Variants in TECRL observed in about 807,000 individuals in gnomAD.
TECRL encodes the protein trans-2,3-enoyl-CoA reductase like.
A neutral mutation model predicts 52.8 loss-of-function variants in TECRL; 63 were observed. That is an observed-to-expected ratio of 1.19 (90% CI 0.97 to 1.47). The LOEUF is 1.47. TECRL is among the 40% of genes most tolerant of loss of function. The pLI is 0.00. For missense variants in TECRL, 482 were observed against 429.6 expected, an observed-to-expected ratio of 1.12 and a Z score of -1.08; for synonymous variants, 164 against 141.9, an observed-to-expected ratio of 1.16 and a Z score of -1.10.
chr4:64,336,174 T>C (rs996700548), intron 2 of TECRL, among the ~76,000 whole-genome samples: 3 of 152,196 alleles, frequency 2.0e-5, no homozygotes, highest in African/African-American at 7.2e-5. Flanking sequence ...CTGTTAATTA[T>C]TGCCTCAATT....
chr4:64,339,098 T>C (rs1051071691), intron 2 of TECRL, among the ~76,000 whole-genome samples: 4 of 152,018 alleles, frequency 2.6e-5, no homozygotes, highest in African/African-American at 7.2e-5. Flanking sequence ...GAATACTATG[T>C]AGCCATAAAA....
In TECRL at chr4:64,382,214, TATATATATATATATATATATAG is replaced by T. The variant is rs1486900735; in HGVS notation, c.235-7013_235-6992del. On this transcript the variant is annotated intron_variant, in intron 1 of 11. Transcript: ENST00000381210. ...CTGTATATATATATATATATATATA[TATATATATATATATATATATAG>T]TATTATGTATATATAATATATATTA... Among the ~76,000 whole-genome samples the T allele has an allele frequency of 2.2e-3, 6 of 2,774 alleles. No homozygotes were observed. The East Asian group carries it at 0.28, about 128-fold the overall frequency. 1.8% of individuals were successfully genotyped at this position (2,774 alleles called of 152,430 possible). A position where few individuals can be genotyped will look rare whatever the true frequency, so the allele number is the denominator to read the frequency against.
intron 3 of TECRL, among the ~76,000 whole-genome samples, chr4:64,326,015 C>T (rs554129143): frequency 6.6e-6 from 1 of 152,162 alleles, no homozygotes; most frequent in African/African-American, 2.4e-5. Context: ...AACTAGATCC[C>T]ATGACATATC....
intron 2 of TECRL, among the ~76,000 whole-genome samples, chr4:64,331,653 G>A (rs1718650128): frequency 6.6e-6 from 1 of 152,026 alleles, no homozygotes; most frequent in African/African-American, 2.4e-5. Flanking sequence ...ACATGGTAGT[G>A]CAAAAACCTA....
intron 9 of TECRL, among the ~76,000 whole-genome samples, chr4:64,287,015 C>T (rs1012562761): frequency 6.6e-6 from 1 of 152,070 alleles, no homozygotes; most frequent in Non-Finnish European, 1.5e-5. Context: ...TTGTGATTCA[C>T]ATGCATCCAA....
At chr4:64,342,818 C>T (rs1000729648) in intron 2 of TECRL, among the ~76,000 whole-genome samples, 1 of 152,000 alleles carries the variant, frequency 6.6e-6, no homozygotes, top group Non-Finnish European at 1.5e-5. Context: ...TTTAAAGCAA[C>T]ATTAAAAACT....
chr4:64,354,196 T>C (rs1038042524), intron 2 of TECRL, among the ~76,000 whole-genome samples: 2 of 152,068 alleles, frequency 1.3e-5, no homozygotes, highest in Non-Finnish European at 2.9e-5. Flanking sequence ...CTATCAGTGG[T>C]TTGTAAGTTG....
At chr4:64,385,140 G>A (rs188996973) in intron 1 of TECRL, among the ~76,000 whole-genome samples, 1 of 152,248 alleles carries the variant, frequency 6.6e-6, no homozygotes, top group East Asian at 1.9e-4. Context: ...CATAGAGGCT[G>A]GTGGCTCTGG....
At chr4:64,337,510 T>G (rs1719193127) in intron 2 of TECRL, among the ~76,000 whole-genome samples, 1 of 152,164 alleles carries the variant, frequency 6.6e-6, no homozygotes, top group African/African-American at 2.4e-5. Context: ...GATGACATGA[T>G]TGTATATCTA....
chr4:64,386,165 A>T (rs895973660), intron 1 of TECRL, among the ~76,000 whole-genome samples: 8 of 152,192 alleles, frequency 5.3e-5, no homozygotes, highest in African/African-American at 1.9e-4. Flanking sequence ...CTTACCAATA[A>T]CATAGAATCA....
intron 1 of TECRL, among the ~76,000 whole-genome samples, chr4:64,383,586 T>A (rs1395147669): frequency 6.6e-6 from 1 of 151,988 alleles, no homozygotes; most frequent in Non-Finnish European, 1.5e-5. Context: ...AGTTCTTCAG[T>A]TTAAATCTTT....
chr4:64,283,831 C>T (rs892457236), intron 9 of TECRL, among the ~76,000 whole-genome samples: 2 of 152,112 alleles, frequency 1.3e-5, no homozygotes, highest in African/African-American at 4.8e-5. Flanking sequence ...AGGTGGCCCA[C>T]TCTTCCCTAT....
At chr4:64,361,734 A>G (rs1228393135) in intron 2 of TECRL, among the ~76,000 whole-genome samples, 1 of 152,162 alleles carries the variant, frequency 6.6e-6, no homozygotes. Context: ...AACTTCAAAG[A>G]TTAAGGAAAT....
At chr4:64,282,196 A>C (rs2109926776) in intron 9 of TECRL, among the ~76,000 whole-genome samples, 1 of 151,974 alleles carries the variant, frequency 6.6e-6, no homozygotes, top group East Asian at 1.9e-4. Flanking sequence ...TTTGTTAATT[A>C]TTTTCCCCTT....
intron 2 of TECRL, among the ~76,000 whole-genome samples, chr4:64,354,824 C>T (rs1032122760): frequency 6.6e-6 from 1 of 152,268 alleles, no homozygotes; most frequent in Middle Eastern, 3.4e-3. Context: ...GTCCTGGAGC[C>T]AGAGAATGAG....
At chr4:64,300,079 G>C in intron 7 of TECRL, 62 bp from the exon 8 acceptor site, 2 of 1,281,664 alleles carry the variant, frequency 1.6e-6, no homozygotes. Context: ...CAAATATATA[G>C]ACATAATTCA....
chr4:64,406,980 G>GT (rs1724772871), intron 1 of TECRL, among the ~76,000 whole-genome samples: 1 of 146,928 alleles, frequency 6.8e-6, no homozygotes, highest in African/African-American at 2.5e-5. Flanking sequence ...TCTTTTTTAT[G>GT]TTTACAAATT....
At chr4:64,347,039 C>T (rs895299205) in intron 2 of TECRL, among the ~76,000 whole-genome samples, 5 of 152,138 alleles carry the variant, frequency 3.3e-5, no homozygotes, top group Admixed American at 6.6e-5. Flanking sequence ...GAAAAACATC[C>T]TTTAAGTCAA....
chr4:64,348,320 TTCAC>T (rs1358725074), intron 2 of TECRL, among the ~76,000 whole-genome samples: 3 of 152,088 alleles, frequency 2.0e-5, no homozygotes, highest in Non-Finnish European at 1.5e-5. Flanking sequence ...CTTGCGAGAA[TTCAC>T]TCACTATCAG....
Sources: allele counts gnomAD v4.1 joint callset (sites outside exome capture counted in the v4.1 genomes callset), GRCh38; gene constraint gnomAD v4.1.1; transcripts MANE v1.5; gene names NCBI Gene and HGNC (gene_info 2026-07-23, HGNC 2026-07-21).